The following SEMA5A variants were observed in gnomAD, a reference collection of about 807,000 sequenced individuals.
SEMA5A encodes the protein semaphorin-5A.
In SEMA5A, 55 loss-of-function variants were observed where a neutral mutation model predicts 135.5. The ratio of observed to expected loss-of-function variants is 0.41; its 90% CI spans 0.33 to 0.51. The LOEUF is 0.51. SEMA5A is among the 20% of genes least tolerant of loss of function. The probability of loss-of-function intolerance (pLI) is 0.37; values close to 1 mark genes in which losing one functional copy is unlikely to be tolerated. For missense variants in SEMA5A, 1,290 were observed against 1,419.9 expected, an observed-to-expected ratio of 0.91 and a Z score of 1.47; for synonymous variants, 580 against 546.5, an observed-to-expected ratio of 1.06 and a Z score of -0.85.
intron 10 of SEMA5A, among the ~76,000 whole-genome samples, chr5:9,192,577 TGGG>T (rs34827351): frequency 6.6e-6 from 1 of 151,086 alleles, no homozygotes; most frequent in African/African-American, 2.4e-5. Flanking sequence ...TAGTTGTAAT[TGGG>T]GGGGGGAGGG....
At chr5:9,371,468 C>A in intron 3 of SEMA5A, among the ~76,000 whole-genome samples, 1 of 152,108 alleles carries the variant, frequency 6.6e-6, no homozygotes, top group East Asian at 1.9e-4. Context: ...TCTGTGCACT[C>A]ATGAATAATT....
At chr5:9,311,206 T>C (rs1302758015) in intron 5 of SEMA5A, among the ~76,000 whole-genome samples, 1 of 151,994 alleles carries the variant, frequency 6.6e-6, no homozygotes, top group Non-Finnish European at 1.5e-5. Context: ...CTCTACACGC[T>C]AGATGCCAGT....
intron 5 of SEMA5A, among the ~76,000 whole-genome samples, chr5:9,268,602 C>A (rs1290396281): frequency 6.6e-6 from 1 of 152,062 alleles, no homozygotes; most frequent in Non-Finnish European, 1.5e-5. Flanking sequence ...AATACTACTG[C>A]CCCCAGGCCA....
At chr5:9,047,100 G>A (rs149852622) in intron 21 of SEMA5A, among the ~76,000 whole-genome samples, 97 of 152,250 alleles carry the variant, frequency 6.4e-4, no homozygotes, top group Non-Finnish European at 1.1e-3. Flanking sequence ...TAACAATGAC[G>A]CTATACTTAG....
At chr5:9,067,906 A>G (rs1737564008) in intron 16 of SEMA5A, among the ~76,000 whole-genome samples, 1 of 152,142 alleles carries the variant, frequency 6.6e-6, no homozygotes, top group Non-Finnish European at 1.5e-5. Flanking sequence ...TTTCAAAATG[A>G]TGATTGAAAT....
At chr5:9,367,448 A>T (rs185827847) in intron 3 of SEMA5A, 1 of 152,328 alleles carries the variant, frequency 6.6e-6, no homozygotes, top group East Asian at 1.9e-4. Context: ...CTAAATATGT[A>T]TCTCTCTTAT....
intron 1 of SEMA5A, among the ~76,000 whole-genome samples, chr5:9,446,393 A>T (rs978440091): frequency 2.0e-5 from 3 of 152,172 alleles, no homozygotes; most frequent in Non-Finnish European, 4.4e-5. Flanking sequence ...AGTGCTCAAA[A>T]TGAGCAATTT....
At chr5:9,353,241 A>AAAGGAAAGG (rs1561177451) in intron 3 of SEMA5A, among the ~76,000 whole-genome samples, 14 of 95,230 alleles carry the variant, frequency 1.5e-4, no homozygotes, top group African/African-American at 2.2e-4. Flanking sequence ...GAAAGGAAGG[A>AAAGGAAAGG]AAGGGAAGGG....
chr5:9,542,656 T>A (rs1348635834), intron 1 of SEMA5A, among the ~76,000 whole-genome samples: 1 of 152,220 alleles, frequency 6.6e-6, no homozygotes, highest in African/African-American at 2.4e-5. Flanking sequence ...TGCAGAAACA[T>A]TTTTAAATAC....
intron 5 of SEMA5A, among the ~76,000 whole-genome samples, chr5:9,314,857 A>T: frequency 6.6e-6 from 1 of 152,078 alleles, no homozygotes; most frequent in Middle Eastern, 3.2e-3. Flanking sequence ...TTAGAGCCGC[A>T]TTTTTAAAAC....
At chr5:9,102,951 T>G (rs1281618315) in intron 16 of SEMA5A, among the ~76,000 whole-genome samples, 1 of 152,214 alleles carries the variant, frequency 6.6e-6, no homozygotes, top group Non-Finnish European at 1.5e-5. Flanking sequence ...CAAACACAGC[T>G]GAGACTGTTG....
At position 9,137,311 on chromosome 5, in the gene SEMA5A, G is replaced by A. The variant is rs114072075; in HGVS notation, c.1482-690C>T. Among the ~76,000 whole-genome samples the A allele has an allele frequency of 1.8e-3, 267 of 152,286 alleles. 1 individual carries two copies. The highest frequency in any genetic ancestry group is 6.2e-3 in the African/African-American group (256 of 41,572). ...AATTTAATAGTAATTTCATATAGTTGTGTCTATAATATCCTACATATGATA... is the reference window on the plus strand; with the variant it reads ...AATTTAATAGTAATTTCATATAGTTATGTCTATAATATCCTACATATGATA... On this transcript the variant is annotated intron_variant, in intron 12 of 22. Coordinates refer to ENST00000382496, the MANE Select transcript of SEMA5A (RefSeq NM_003966.3).
Position 9,458,986 on chromosome 5 carries a change from A to G in SEMA5A, c.-174-21134T>C, listed in dbSNP as rs192921193. Among the ~76,000 whole-genome samples the G allele has an allele frequency of 3.2e-3, 494 of 152,362 alleles. 2 individuals carry two copies. In the South Asian group the frequency reaches 0.042, roughly 13 times the overall value. On this transcript the variant is annotated intron_variant, in intron 1 of 22. Transcript: ENST00000382496. ...CAAGTAGTCTTGGAAGACTCAGCCA[A>G]TAATTTGATCTATTTTCACAAGAAA...
intron 5 of SEMA5A, among the ~76,000 whole-genome samples, chr5:9,299,479 G>A (rs1371604498): frequency 6.6e-6 from 1 of 152,110 alleles, no homozygotes; most frequent in Non-Finnish European, 1.5e-5. Context: ...TCTCCTGCAG[G>A]GGACTTTCTC....
intron 15 of SEMA5A, among the ~76,000 whole-genome samples, chr5:9,113,763 C>T (rs887173660): frequency 1.3e-5 from 2 of 152,054 alleles, no homozygotes; most frequent in Non-Finnish European, 2.9e-5. Context: ...CCAGTTCATA[C>T]CTACTAGGAT....
chr5:9,102,024 T>TTA (rs1482029910), intron 16 of SEMA5A, among the ~76,000 whole-genome samples: 2 of 152,108 alleles, frequency 1.3e-5, no homozygotes, highest in Non-Finnish European at 2.9e-5. Context: ...AGAAGAAAAC[T>TTA]TTTCATATAT....
At chr5:9,235,786 A>G (rs535627541) in intron 6 of SEMA5A, among the ~76,000 whole-genome samples, 18 of 152,216 alleles carry the variant, frequency 1.2e-4, no homozygotes, top group Admixed American at 3.9e-4. Flanking sequence ...AAAGTACCAG[A>G]AGGAAGATAA....
rs904634728 is a variant in SEMA5A at position 9,513,595 on chromosome 5, G to A, written c.-175+31989C>T. On this transcript the variant is annotated intron_variant, in intron 1 of 22. Transcript: ENST00000382496. The stretch of plus-strand genomic sequence containing the variant: ...ACCAGTGATTGTATGATATTGTGGC[G>A]GCGGCAGCTCCTCACACAAAACAGA... Among the ~76,000 whole-genome samples, 3 of 152,196 alleles carry A rather than the reference G, an allele frequency of 2.0e-5. 1 individual carries two copies. The highest frequency in any genetic ancestry group is 4.2e-4 in the South Asian group (2 of 4,810).
intron 5 of SEMA5A, among the ~76,000 whole-genome samples, chr5:9,267,529 C>T (rs946699808): frequency 6.6e-6 from 1 of 152,124 alleles, no homozygotes; most frequent in Non-Finnish European, 1.5e-5. Flanking sequence ...CATTATTGTG[C>T]TTTTCTTATT....
Sources: allele counts gnomAD v4.1 joint callset (sites outside exome capture counted in the v4.1 genomes callset), GRCh38; gene constraint gnomAD v4.1.1; transcripts MANE v1.5; gene names NCBI Gene and HGNC (gene_info 2026-07-23, HGNC 2026-07-21).